TUT1: variants seen among roughly 807,000 people sequenced by gnomAD.
The protein encoded by TUT1 is speckle targeted PIP5K1A-regulated poly(A) polymerase.
TUT1 carries 26 observed loss-of-function variants against 48.8 expected under a neutral mutation model. That is an observed-to-expected ratio of 0.53 (90% CI 0.39 to 0.74). TUT1 has a LOEUF of 0.74. Ranked by LOEUF, TUT1 falls within the 30% of genes least tolerant of loss-of-function variation. TUT1 has a pLI of 0.00. For missense variants in TUT1, 1,065 were observed against 1,114.8 expected (o/e 0.96, Z 0.64); for synonymous variants, 470 against 460.8 (o/e 1.02, Z -0.26).
intron 5 of TUT1, 70 bp downstream of exon 5, chr11:62,578,491 G>T: frequency 1.4e-6 from 2 of 1,422,898 alleles, no homozygotes; most frequent in South Asian, 1.4e-5. Context: ...GTTGCAGAGA[G>T]CCAAGATGGC....
intron 2 of TUT1, among the ~76,000 whole-genome samples, chr11:62,584,953 CT>C (rs749814543): frequency 7.9e-5 from 12 of 151,846 alleles, no homozygotes; most frequent in Non-Finnish European, 1.5e-4. Flanking sequence ...TCCTGAATAG[CT>C]GGGATTACAG....
intron 1 of TUT1, among the ~76,000 whole-genome samples, chr11:62,590,624 G>T (rs1200396258): frequency 6.8e-6 from 1 of 147,198 alleles, no homozygotes; most frequent in African/African-American, 2.5e-5. Context: ...GTGACAGAGT[G>T]AGACTCTGTC....
chr11:62,582,051 C>T (rs1336423156), intron 2 of TUT1, among the ~76,000 whole-genome samples: 2 of 151,834 alleles, frequency 1.3e-5, no homozygotes, highest in African/African-American at 2.4e-5. Flanking sequence ...GGGGTGATCT[C>T]GGCTTACTGC....
Position 62,576,652 on chromosome 11 carries a change from C to T in TUT1, c.1474+5G>A, listed in dbSNP as rs750318845. The T allele has an allele frequency of 6.2e-7, 1 of 1,613,876 alleles. No homozygotes were observed. Among genetic ancestry groups the T allele is most frequent in the Non-Finnish European group, 8.5e-7 (1 of 1,179,756 alleles). On this transcript the variant is annotated splice_donor_5th_base_variant and intron_variant, in intron 8 of 8. Coordinates refer to ENST00000476907, the MANE Select transcript of TUT1 (RefSeq NM_022830.3). ...CTAGTCCTCTACCAGGCTCCCCAAACTCACTGAGGGGCTCCACATTTATGC... is the reference window on the plus strand; with the variant it reads ...CTAGTCCTCTACCAGGCTCCCCAAATTCACTGAGGGGCTCCACATTTATGC...
At chr11:62,583,426 A>G (rs2134310762) in intron 2 of TUT1, among the ~76,000 whole-genome samples, 1 of 152,218 alleles carries the variant, frequency 6.6e-6, no homozygotes, top group Middle Eastern at 3.4e-3. Context: ...CCTGACCAAC[A>G]TGGCAAAACC....
Position 62,580,019 on chromosome 11 carries a change from A to G in TUT1, c.691-989T>C, listed in dbSNP as rs142976014. ...GCTGGGCATGGGGGCTTAAACCTGTAATCCCAACAATTTGGGAGAATGAGG... is the reference window on the plus strand; with the variant it reads ...GCTGGGCATGGGGGCTTAAACCTGTGATCCCAACAATTTGGGAGAATGAGG... On this transcript the variant is annotated intron_variant, in intron 4 of 8. Coordinates refer to ENST00000476907, the MANE Select transcript of TUT1 (RefSeq NM_022830.3). Among the ~76,000 whole-genome samples, 516 of 152,248 alleles carry G rather than the reference A, an allele frequency of 3.4e-3. 6 individuals are homozygous for G. Among genetic ancestry groups the G allele is most frequent in the African/African-American group, 0.012 (490 of 41,542 alleles).
In TUT1 at chr11:62,581,689, T is replaced by C. The variant is rs1192189025; in HGVS notation, c.286A>G (p.Ile96Val). 3 of 1,460,554 alleles carry C rather than the reference T, an allele frequency of 2.1e-6. No individual in the cohort carries two copies. Among genetic ancestry groups the C allele is most frequent in the Non-Finnish European group, 2.7e-6 (3 of 1,104,234 alleles). The allele number at this position is 1,460,554 out of a possible 1,614,324, so 90.5% of individuals were successfully genotyped here. A position where few individuals can be genotyped will look rare whatever the true frequency, so the allele number is the denominator to read the frequency against. Residue 96 changes from isoleucine to valine, a missense_variant, in exon 3 of 9, where the codon ATT becomes GTT. Physicochemically the swap from Ile to Val is conservative, Grantham distance 29 (BLOSUM62 3). Coordinates refer to ENST00000476907, the MANE Select transcript of TUT1 (RefSeq NM_022830.3). ...GCACCCACGTCCCCCATCTCCACAA[T>C]GGCAAACACTCCCTGGTAAACAACA... Reference protein sequence around the residue: ...VMDKDKGVFAIVEMGDVGARE... With the variant: ...VMDKDKGVFAVVEMGDVGARE...
At chr11:62,577,755 T>C (rs2134304477) in intron 5 of TUT1, among the ~76,000 whole-genome samples, 1 of 152,280 alleles carries the variant, frequency 6.6e-6, no homozygotes, top group Admixed American at 6.5e-5. Flanking sequence ...GCAGAGCTCT[T>C]TTCTACATCC....
In TUT1 at chr11:62,575,952, C is replaced by A; in HGVS notation, c.1767G>T (p.Trp589Cys). 1 of 1,614,122 alleles carries A rather than the reference C, an allele frequency of 6.2e-7. No homozygotes were observed. Among genetic ancestry groups the A allele is most frequent in the East Asian group, 2.2e-5 (1 of 44,888 alleles). ...YQRRSSRGRD[W>C]GLLPLLQPSS... ...TGGGCTGCAGAAGAGGGAGCAGCCCCCAGTCCCGACCCCGGGAGGAACGGC... is the reference window on the plus strand; with the variant it reads ...TGGGCTGCAGAAGAGGGAGCAGCCCACAGTCCCGACCCCGGGAGGAACGGC... The change falls in exon 9 of 9, where the codon TGG becomes TGT. Residue 589 changes from tryptophan (W) to cysteine (C), a missense_variant. Coordinates refer to ENST00000476907, the MANE Select transcript of TUT1 (RefSeq NM_022830.3).
intron 7 of TUT1, 75 bp from the exon 8 acceptor site, chr11:62,576,824 C>G: frequency 6.3e-7 from 1 of 1,594,176 alleles, no homozygotes; most frequent in South Asian, 1.1e-5. Flanking sequence ...ATCTCATTCA[C>G]AGAGCTGCTT....
chr11:62,576,804 G>A (rs1437960956), intron 7 of TUT1, 55 bp from the exon 8 acceptor site: 1 of 1,600,478 alleles, frequency 6.2e-7, no homozygotes, highest in East Asian at 2.2e-5. Flanking sequence ...TTGAGGGTGG[G>A]GGTAGAGAGA....
chr11:62,578,654 T>C lies in TUT1; in HGVS notation c.1067A>G (p.Tyr356Cys), dbSNP rs140073547. Residue 356 changes from tyrosine to cysteine, a missense_variant, in exon 5 of 9, where the codon TAT becomes TGT. Tyr to Cys is a radical substitution (Grantham distance 194, BLOSUM62 -2). Coordinates refer to ENST00000476907, the MANE Select transcript of TUT1 (RefSeq NM_022830.3). ...SILRGCVPGV[Y>C]RVQTVPSARR... ...GGCAGAGGGCACAGTTTGGACTCGA[T>C]ACACCCCAGGGACACAGCCCCGGAG... 7 of 1,614,098 alleles carry C rather than the reference T, an allele frequency of 4.3e-6. No homozygotes were observed. In the African/African-American group the frequency reaches 8.0e-5, roughly 18 times the overall value.
At chr11:62,585,118 G>A (rs771449467) in intron 2 of TUT1, among the ~76,000 whole-genome samples, 7 of 151,830 alleles carry the variant, frequency 4.6e-5, no homozygotes, top group Non-Finnish European at 7.4e-5. Flanking sequence ...CACCTGGCCC[G>A]GCCACACCCT....
At chr11:62,577,484 C>T (rs1050999514) in intron 5 of TUT1, among the ~76,000 whole-genome samples, 193 bp from the exon 6 acceptor site, 27 of 151,748 alleles carry the variant, frequency 1.8e-4, no homozygotes, top group Non-Finnish European at 2.8e-4. Context: ...TCATCCTGTA[C>T]GCCCATCCTG....
At chr11:62,587,633 G>A (rs1941942729) in intron 2 of TUT1, among the ~76,000 whole-genome samples, 1 of 152,226 alleles carries the variant, frequency 6.6e-6, no homozygotes, top group Non-Finnish European at 1.5e-5. Flanking sequence ...TGGACTTCTT[G>A]TTACATGAGA....
At chr11:62,581,751 G>GGCGAA in intron 2 of TUT1, 50 bp from the exon 3 acceptor site, 1 of 1,295,468 alleles carries the variant, frequency 7.7e-7, no homozygotes, top group Non-Finnish European at 1.0e-6. Flanking sequence ...AAGAATCTAA[G>GGCGAA]CACGAGATCT....
At chr11:62,579,725 C>T (rs1052169712) in intron 4 of TUT1, among the ~76,000 whole-genome samples, 2 of 143,672 alleles carry the variant, frequency 1.4e-5, no homozygotes, top group African/African-American at 2.6e-5. Flanking sequence ...AGTGCAGTGG[C>T]GCGATCTCGG....
chr11:62,576,304 T>G, intron 8 of TUT1, 60 bp from the exon 9 acceptor site: 1 of 1,456,024 alleles, frequency 6.9e-7, no homozygotes, highest in Non-Finnish European at 9.0e-7. Context: ...CTGATACAGG[T>G]CCTGCACCAG....
chr11:62,576,537 A>G (rs1590715773), intron 8 of TUT1, 120 bp downstream of exon 8: 2 of 917,424 alleles, frequency 2.2e-6, no homozygotes, highest in Non-Finnish European at 3.4e-6. Flanking sequence ...GGCAGTAATA[A>G]TATTAGGTAT....
Sources: gnomAD v4.1 joint callset for allele counts (sites outside exome capture counted in the v4.1 genomes callset) on GRCh38, gnomAD v4.1.1 for gene constraint, MANE v1.5 for transcripts, NCBI Gene and HGNC (gene_info 2026-07-23, HGNC 2026-07-21) for gene names.